TLK1: variants seen among roughly 807,000 people sequenced by gnomAD.
TLK1 encodes the protein serine/threonine-protein kinase tousled-like 1.
TLK1 carries 24 observed loss-of-function variants against 105.3 expected under a neutral mutation model. The observed-to-expected ratio is 0.23, with a 90% CI of 0.17 to 0.32. The LOEUF (loss-of-function observed/expected upper bound fraction) is 0.32. TLK1 is among the 10% of genes least tolerant of loss of function. The pLI, the probability that TLK1 is intolerant of heterozygous loss-of-function variation, is 1.00. For synonymous variants in TLK1, 321 were observed against 310.4 expected (o/e 1.03, Z -0.36); for missense variants, 558 against 910.5 (o/e 0.61, Z 4.98).
chr2:171,069,644 G>A (rs1688162420), intron 3 of TLK1, among the ~76,000 whole-genome samples: 1 of 152,062 alleles, frequency 6.6e-6, no homozygotes, highest in African/African-American at 2.4e-5. Context: ...TTGCTTTGAT[G>A]AACACATTAA....
exon 1 of TLK1, chr2:171,231,235 G>A (rs1407131620): frequency 1.3e-5 from 2 of 152,200 alleles, no homozygotes; most frequent in Admixed American, 6.6e-5. Flanking sequence ...CTAGGAGTCT[G>A]TTCTGTGCCT....
At chr2:171,189,165 ATTT>A (rs368305495) in intron 1 of TLK1, among the ~76,000 whole-genome samples, 5 of 137,552 alleles carry the variant, frequency 3.6e-5, no homozygotes, top group African/African-American at 5.6e-5. Context: ...TGATAGTACA[ATTT>A]TTTTTTTTTT....
At chr2:171,189,022 A>C (rs1693092202) in intron 1 of TLK1, among the ~76,000 whole-genome samples, 1 of 152,246 alleles carries the variant, frequency 6.6e-6, no homozygotes, top group Non-Finnish European at 1.5e-5. Flanking sequence ...ACAAAAGGAC[A>C]AAGTAAACAT....
At chr2:171,025,514 C>T (rs760190095) in intron 12 of TLK1, among the ~76,000 whole-genome samples, 11 of 152,152 alleles carry the variant, frequency 7.2e-5, no homozygotes, top group Non-Finnish European at 1.5e-4. Flanking sequence ...CAAATCTAAA[C>T]CGTAAACTGA....
intron 18 of TLK1, among the ~76,000 whole-genome samples, chr2:170,999,060 T>G (rs1287250725): frequency 1.3e-5 from 2 of 152,184 alleles, no homozygotes; most frequent in African/African-American, 2.4e-5. Context: ...GCCACCACAC[T>G]AAGCCAGTTC....
At chr2:171,036,943 A>G (rs991151321) in intron 11 of TLK1, among the ~76,000 whole-genome samples, 1 of 152,208 alleles carries the variant, frequency 6.6e-6, no homozygotes. Flanking sequence ...GTCTTTAAAA[A>G]AGGCTAGATT....
At chr2:171,077,023 AC>A (rs1688546924) in intron 3 of TLK1, among the ~76,000 whole-genome samples, 2 of 152,166 alleles carry the variant, frequency 1.3e-5, no homozygotes, top group Non-Finnish European at 2.9e-5. Flanking sequence ...CAGGTACATG[AC>A]CATATTTCTA....
intron 18 of TLK1, among the ~76,000 whole-genome samples, chr2:170,999,223 A>G (rs931230628): frequency 2.0e-5 from 3 of 148,064 alleles, no homozygotes; most frequent in Admixed American, 6.7e-5. Flanking sequence ...GGAATTTACT[A>G]TTTTTTTTAA....
At chr2:171,082,936 GTAGA>G in intron 2 of TLK1, 84 bp from the exon 3 acceptor site, 1 of 889,740 alleles carries the variant, frequency 1.1e-6, no homozygotes, top group South Asian at 1.5e-5. Flanking sequence ...ATATTACAAA[GTAGA>G]TAATCTATCT....
chr2:171,183,836 T>A (rs1692971868), intron 1 of TLK1, among the ~76,000 whole-genome samples: 1 of 152,214 alleles, frequency 6.6e-6, no homozygotes, highest in Non-Finnish European at 1.5e-5. Context: ...TTCATTTATG[T>A]CATGAAGTAG....
At chr2:171,132,800 G>C (rs1691156003) in intron 1 of TLK1, among the ~76,000 whole-genome samples, 1 of 152,160 alleles carries the variant, frequency 6.6e-6, no homozygotes. Flanking sequence ...CAGAGATCAA[G>C]GCTGCAGTGA....
intron 1 of TLK1, among the ~76,000 whole-genome samples, chr2:171,169,357 G>A (rs1267996194): frequency 6.6e-6 from 1 of 151,992 alleles, no homozygotes; most frequent in Non-Finnish European, 1.5e-5. Context: ...GCAATAGTTT[G>A]CTTATAAGAG....
intron 4 of TLK1, among the ~76,000 whole-genome samples, chr2:171,059,738 G>A (rs555389243): frequency 6.6e-6 from 1 of 152,252 alleles, no homozygotes; most frequent in Non-Finnish European, 1.5e-5. Flanking sequence ...TAGGGGAGAT[G>A]GTTTTGGGAT....
chr2:171,022,086 A>AAAAC (rs1553605634), intron 12 of TLK1, among the ~76,000 whole-genome samples: 1 of 103,010 alleles, frequency 9.7e-6, no homozygotes. Flanking sequence ...CTGGGCGAAA[A>AAAAC]ACACACACAC....
intron 1 of TLK1, among the ~76,000 whole-genome samples, chr2:171,168,601 A>C (rs1692656267): frequency 6.6e-6 from 1 of 152,150 alleles, no homozygotes; most frequent in Non-Finnish European, 1.5e-5. Flanking sequence ...AATCATAAAA[A>C]GAATTCATAG....
intron 11 of TLK1, among the ~76,000 whole-genome samples, chr2:171,034,377 C>T (rs1447633601): frequency 6.6e-6 from 1 of 152,064 alleles, no homozygotes; most frequent in African/African-American, 2.4e-5. Flanking sequence ...ACAAATTGTG[C>T]ATAATCACAC....
chr2:171,062,449 T>A (rs1301730275), intron 3 of TLK1, among the ~76,000 whole-genome samples: 1 of 152,144 alleles, frequency 6.6e-6, no homozygotes, highest in Admixed American at 6.5e-5. Context: ...CTAAGTACCA[T>A]CTTGAGTATT....
chr2:171,020,269 C>G (rs760656577), intron 12 of TLK1, among the ~76,000 whole-genome samples: 1 of 151,390 alleles, frequency 6.6e-6, no homozygotes. Flanking sequence ...GGGCCAGGTG[C>G]GGTGGCTCAT....
At chr2:171,029,185 C>G (rs1038894878) in intron 11 of TLK1, among the ~76,000 whole-genome samples, 1 of 152,072 alleles carries the variant, frequency 6.6e-6, no homozygotes, top group Admixed American at 6.6e-5. Flanking sequence ...CAGTTTTACT[C>G]TAAGAGTAAT....
Sources: gnomAD v4.1 joint callset for allele counts (sites outside exome capture counted in the v4.1 genomes callset) on GRCh38, gnomAD v4.1.1 for gene constraint, MANE v1.5 for transcripts, NCBI Gene and HGNC (gene_info 2026-07-23, HGNC 2026-07-21) for gene names.